SORCS2: variants seen among roughly 807,000 people sequenced by gnomAD.
SORCS2 encodes VPS10 domain-containing receptor SorCS2.
SORCS2 carries 100 observed loss-of-function variants against 141.6 expected under a neutral mutation model. The ratio of observed to expected loss-of-function variants is 0.71; its 90% confidence interval spans 0.60 to 0.83. The LOEUF (loss-of-function observed/expected upper bound fraction) is 0.83, where lower values mean the gene tolerates loss of function less well. Among genes scored for constraint, SORCS2 ranks in the 40% least tolerant of loss-of-function variants. The pLI is 0.00. For synonymous variants in SORCS2, 789 were observed against 676.9 expected, an observed-to-expected ratio of 1.17 and a Z score of -2.57; for missense variants, 1,646 against 1,560.2, an observed-to-expected ratio of 1.05 and a Z score of -0.93.
At chr4:7,205,983 T>G (rs886708853) in intron 1 of SORCS2, among the ~76,000 whole-genome samples, 22 of 151,880 alleles carry the variant, frequency 1.4e-4, no homozygotes, top group African/African-American at 4.4e-4. Context: ...GATGTGGAGG[T>G]TGCAGTGAGC....
rs1428605625 is a variant in SORCS2, at chr4:7,676,099, A to G, written c.1211A>G (p.Gln404Arg). ...GAGAGTCAGGTGTTCGTGGCGGTGC[A>G]GGAGTGGTACCAGATGGACACCTAC... ...TDESQVFVAVQEWYQMDTYNL... is the reference protein window; with the variant it reads ...TDESQVFVAVREWYQMDTYNL... The change falls in exon 9 of 27, where the codon CAG becomes CGG. Residue 404 changes from glutamine to arginine, a missense_variant. Gln to Arg is a conservative substitution (Grantham distance 43, BLOSUM62 1). Coordinates refer to ENST00000507866, the MANE Select transcript of SORCS2 (RefSeq NM_020777.3). 1.9e-6 allele frequency: 3 copies of G among 1,587,556 alleles called. No individual in the cohort carries two copies. Among genetic ancestry groups the G allele is most frequent in the South Asian group, 2.3e-5 (2 of 87,370 alleles).
intron 3 of SORCS2, among the ~76,000 whole-genome samples, chr4:7,550,132 A>ATGTATGTG (rs1255123001): frequency 7.0e-5 from 10 of 142,222 alleles, no homozygotes; most frequent in African/African-American, 2.4e-4. Context: ...GTATGTGTGT[A>ATGTATGTG]TGTGTGTGTG....
Position 7,679,268 on chromosome 4 carries a change from T to A in SORCS2, c.1341+3039T>A, listed in dbSNP as rs187428148. Among the ~76,000 whole-genome samples, 3 of 152,208 alleles carry A rather than the reference T, an allele frequency of 2.0e-5. No homozygotes were observed. In the East Asian group the frequency reaches 5.8e-4, roughly 30 times the overall value. ...GGCTCCTCTTTTGCTGGAGCTTGGG[T>A]TATGAATGGGGACTTAGGGGACATA... On this transcript the variant is annotated intron_variant, in intron 9 of 26. Transcript: ENST00000507866.
chr4:7,423,410 A>G (rs1337576023), intron 2 of SORCS2, among the ~76,000 whole-genome samples: 52 of 152,166 alleles, frequency 3.4e-4, no homozygotes, highest in Admixed American at 3.4e-3. Context: ...TGTGGAAAGC[A>G]GGGGCCGGAG....
chr4:7,296,064 C>G (rs912290013), intron 1 of SORCS2, among the ~76,000 whole-genome samples: 1 of 152,190 alleles, frequency 6.6e-6, no homozygotes, highest in Non-Finnish European at 1.5e-5. Context: ...GGGAGAAATG[C>G]GATGCAGAGT....
At chr4:7,593,664 T>TGGGGGC (rs1398485763) in intron 3 of SORCS2, among the ~76,000 whole-genome samples, 5 of 144,194 alleles carry the variant, frequency 3.5e-5, no homozygotes, top group Non-Finnish European at 1.5e-5. Context: ...GGGGCGGGGG[T>TGGGGGC]GGGGGCGGCC....
At chr4:7,276,567 C>A (rs1039381324) in intron 1 of SORCS2, among the ~76,000 whole-genome samples, 1 of 152,156 alleles carries the variant, frequency 6.6e-6, no homozygotes, top group African/African-American at 2.4e-5. Flanking sequence ...CTTCCTGCCT[C>A]CCCCGCTCCA....
chr4:7,414,042 A>G (rs1249710460), intron 2 of SORCS2, among the ~76,000 whole-genome samples: 1 of 152,202 alleles, frequency 6.6e-6, no homozygotes, highest in African/African-American at 2.4e-5. Context: ...TACATGTGAG[A>G]TCAGCCTCCT....
chr4:7,244,791 T>C (rs1435452892), intron 1 of SORCS2, among the ~76,000 whole-genome samples: 1 of 152,266 alleles, frequency 6.6e-6, no homozygotes, highest in Non-Finnish European at 1.5e-5. Context: ...AAAAGGAGGC[T>C]GCAGCCGGGA....
rs1712607939 is a variant in SORCS2 at position 7,740,787 on chromosome 4, C to G, written c.*523C>G. On this transcript the variant is annotated 3_prime_UTR_variant, in exon 27 of 27. Coordinates refer to ENST00000507866, the MANE Select transcript of SORCS2 (RefSeq NM_020777.3). ...CCCAACACCACACCACCCTCCAGGCCCCCCTGCCCTCCGGCTGGAAACTGC... is the reference window on the plus strand; with the variant it reads ...CCCAACACCACACCACCCTCCAGGCGCCCCTGCCCTCCGGCTGGAAACTGC... 4 of 355,404 alleles carry G rather than the reference C, an allele frequency of 1.1e-5. No individual in the cohort carries two copies. Among genetic ancestry groups the G allele is most frequent in the Non-Finnish European group, 2.0e-5 (4 of 199,102 alleles). 22.0% of individuals were successfully genotyped at this position (355,404 alleles called of 1,614,324 possible).
At chr4:7,324,814 G>A (rs4689708) in intron 1 of SORCS2, among the ~76,000 whole-genome samples, 114,659 of 152,148 alleles carry the variant, frequency 0.75, 43,364 homozygotes, top group East Asian at 0.83. Flanking sequence ...TCACGTGTAA[G>A]TGGAGGTGCA....
chr4:7,650,298 G>A (rs144241381), intron 4 of SORCS2, among the ~76,000 whole-genome samples: 9 of 152,300 alleles, frequency 5.9e-5, no homozygotes, highest in East Asian at 1.9e-4. Flanking sequence ...CAAAGGGCCC[G>A]GCTGGTGCTC....
At chr4:7,599,601 A>T (rs1239815203) in intron 3 of SORCS2, among the ~76,000 whole-genome samples, 1 of 152,160 alleles carries the variant, frequency 6.6e-6, no homozygotes, top group Non-Finnish European at 1.5e-5. Flanking sequence ...TGCAAACTGC[A>T]CACGTGTCCC....
At chr4:7,307,808 A>G (rs367893200) in intron 1 of SORCS2, among the ~76,000 whole-genome samples, 5 of 151,178 alleles carry the variant, frequency 3.3e-5, no homozygotes, top group Admixed American at 3.3e-4. Context: ...TGGTGTGTGT[A>G]TGAGTGTGCA....
rs1724186737 is a variant in SORCS2, at chr4:7,690,669, G to C, written c.1591+1081G>C. Among the ~76,000 whole-genome samples, 3 of 152,068 alleles carry C rather than the reference G, an allele frequency of 2.0e-5. No homozygotes were observed. The South Asian group carries it at 6.2e-4, about 32-fold the overall frequency. On this transcript the variant is annotated intron_variant, in intron 11 of 26. Coordinates refer to ENST00000507866, the MANE Select transcript of SORCS2 (RefSeq NM_020777.3). Reference sequence around the variant, plus strand: ...ATGGGTGATGGATAGATGGTGAATGGATGGATGGATGACGAATGAATGATG... The same window carrying C: ...ATGGGTGATGGATAGATGGTGAATGCATGGATGGATGACGAATGAATGATG...
intron 1 of SORCS2, among the ~76,000 whole-genome samples, chr4:7,343,451 T>C (rs769944941): frequency 1.3e-5 from 2 of 152,222 alleles, no homozygotes; most frequent in Non-Finnish European, 2.9e-5. Flanking sequence ...AGGGCAGGCT[T>C]GGTGCAGGTG....
intron 3 of SORCS2, among the ~76,000 whole-genome samples, chr4:7,595,914 G>A (rs1717247652): frequency 6.6e-6 from 1 of 152,182 alleles, no homozygotes; most frequent in African/African-American, 2.4e-5. Flanking sequence ...CTTGGTCTGG[G>A]GTCTGCAGTC....
intron 3 of SORCS2, among the ~76,000 whole-genome samples, chr4:7,623,314 G>A (rs1487311075): frequency 1.3e-5 from 2 of 152,012 alleles, no homozygotes; most frequent in East Asian, 1.9e-4. Flanking sequence ...TCAGTAATCA[G>A]TCACACTCAG....
chr4:7,524,260 C>T (rs1260856193), intron 2 of SORCS2, among the ~76,000 whole-genome samples: 2 of 152,264 alleles, frequency 1.3e-5, no homozygotes, highest in Non-Finnish European at 2.9e-5. Context: ...CAGAGAGTGG[C>T]GCAATGCAGC....
Sources: gnomAD v4.1 joint callset for allele counts (sites outside exome capture counted in the v4.1 genomes callset) on GRCh38, gnomAD v4.1.1 for gene constraint, MANE v1.5 for transcripts, NCBI Gene and HGNC (gene_info 2026-07-23, HGNC 2026-07-21) for gene names.